The following CYTH1 variants were observed in gnomAD, a reference collection of about 807,000 sequenced individuals.
The protein encoded by CYTH1 is cytohesin-1.
CYTH1 carries 18 observed loss-of-function variants against 61.8 expected under a neutral mutation model. The ratio of observed to expected loss-of-function variants is 0.29; its 90% CI spans 0.20 to 0.43. The LOEUF (loss-of-function observed/expected upper bound fraction) is 0.43, where lower values mean the gene tolerates loss of function less well. CYTH1 is among the 20% of genes least tolerant of loss of function. The pLI, the probability that CYTH1 is intolerant of heterozygous loss-of-function variation, is 1.00. For synonymous variants in CYTH1, 174 were observed against 184.3 expected, an observed-to-expected ratio of 0.94 and a Z score of 0.45; for missense variants, 336 against 510.5, an observed-to-expected ratio of 0.66 and a Z score of 3.29.
At position 78,676,058 on chromosome 17, in the gene CYTH1, G is replaced by C. The variant is rs1190331502; in HGVS notation, c.*33C>G. ...TGCGGGAGAAGAGCAGGAGCTCCAA[G>C]GCCCCCGCAGACCAACGCCCTTGGC... On this transcript the variant is annotated 3_prime_UTR_variant, in exon 14 of 14. Coordinates refer to ENST00000446868, the MANE Select transcript of CYTH1 (RefSeq NM_004762.6). 6.3e-7 allele frequency: 1 copy of C among 1,585,338 alleles called. No individual in the cohort carries two copies.
At chr17:78,764,198 CTTTTT>C (rs534021959) in intron 1 of CYTH1, among the ~76,000 whole-genome samples, 6 of 140,500 alleles carry the variant, frequency 4.3e-5, no homozygotes, top group African/African-American at 1.6e-4. Flanking sequence ...ATCTAAATGT[CTTTTT>C]TTTTTTTTTT....
chr17:78,721,341 A>T (rs978199247), intron 1 of CYTH1, among the ~76,000 whole-genome samples: 1 of 152,264 alleles, frequency 6.6e-6, no homozygotes, highest in African/African-American at 2.4e-5. Context: ...AAAAATAAAA[A>T]TAAAAAAATT....
intron 7 of CYTH1, among the ~76,000 whole-genome samples, chr17:78,699,882 T>C (rs1479612178): frequency 6.6e-6 from 1 of 152,170 alleles, no homozygotes; most frequent in South Asian, 2.1e-4. Flanking sequence ...CGTAAACTCT[T>C]GGGCTCAAGA....
Position 78,701,695 on chromosome 17 carries a change from T to C in CYTH1, c.413A>G (p.Asp138Gly), listed in dbSNP as rs2093010984. ...HAFVELHEFT[D>G]LNLVQALRQF... ...CCGTAGTGCCTGGACGAGATTAAGA[T>C]CAGTGAACTCATGCAGCTCCACAAA... is the stretch of plus-strand genomic sequence containing the variant. Residue 138 changes from aspartate (D) to glycine (G), a missense_variant, in exon 6 of 14, where the codon GAT (aspartate) becomes GGT (glycine). Physicochemically the swap from Asp to Gly is moderately conservative, Grantham distance 94. Around this residue, in one of 4 missense-constraint regions of CYTH1, gnomAD observed 125 missense variants for 209.9 expected, o/e 0.60. Transcript: ENST00000446868. 13 of 1,614,152 alleles carry C rather than the reference T, an allele frequency of 8.1e-6. No individual in the cohort carries two copies. Among genetic ancestry groups the C allele is most frequent in the Non-Finnish European group, 1.1e-5 (13 of 1,180,030 alleles).
intron 3 of CYTH1, among the ~76,000 whole-genome samples, chr17:78,705,940 G>A (rs1025213206): frequency 1.3e-5 from 2 of 152,126 alleles, no homozygotes; most frequent in African/African-American, 2.4e-5. Context: ...AGGGCACACT[G>A]AATTCTGAAT....
At chr17:78,686,659 C>A (rs2092819833) in intron 11 of CYTH1, among the ~76,000 whole-genome samples, 1 of 152,136 alleles carries the variant, frequency 6.6e-6, no homozygotes. Context: ...GGCAGCAGTC[C>A]CCAGCCTTTT....
At chr17:78,749,465 C>T (rs1031617721) in intron 1 of CYTH1, among the ~76,000 whole-genome samples, 6 of 150,812 alleles carry the variant, frequency 4.0e-5, no homozygotes, top group Non-Finnish European at 8.9e-5. Context: ...ATCCCCCCTA[C>T]AAAAAAAAAT....
intron 1 of CYTH1, chr17:78,727,611 C>T: frequency 2.2e-6 from 1 of 460,762 alleles, no homozygotes; most frequent in South Asian, 1.6e-5. Context: ...CACCAGCCTT[C>T]CAAGTCGCGG....
intron 1 of CYTH1, among the ~76,000 whole-genome samples, chr17:78,781,180 A>G (rs2093515961): frequency 6.6e-6 from 1 of 150,382 alleles, no homozygotes; most frequent in Non-Finnish European, 1.5e-5. Context: ...TAAAAAAAAA[A>G]AAAAAAGAAA....
At chr17:78,772,351 A>G (rs1032626326) in intron 1 of CYTH1, among the ~76,000 whole-genome samples, 1 of 152,134 alleles carries the variant, frequency 6.6e-6, no homozygotes, top group Admixed American at 6.6e-5. Context: ...TGCCCCCCAT[A>G]CTTGAAATAA....
At chr17:78,741,518 GT>G (rs1373273782) in intron 1 of CYTH1, among the ~76,000 whole-genome samples, 1 of 152,162 alleles carries the variant, frequency 6.6e-6, no homozygotes, top group African/African-American at 2.4e-5. Flanking sequence ...GTGCAGAAAG[GT>G]AAGATAGGCA....
At chr17:78,741,632 G>A (rs548084776) in intron 1 of CYTH1, among the ~76,000 whole-genome samples, 1 of 152,168 alleles carries the variant, frequency 6.6e-6, no homozygotes, top group Admixed American at 6.5e-5. Flanking sequence ...AAGTCAAGAC[G>A]GGGTGCGAGG....
At chr17:78,767,052 T>C (rs1328057475) in intron 1 of CYTH1, among the ~76,000 whole-genome samples, 1 of 152,220 alleles carries the variant, frequency 6.6e-6, no homozygotes, top group Non-Finnish European at 1.5e-5. Context: ...TGTTCAGCAA[T>C]GAACTTCATG....
At chr17:78,726,388 T>A (rs1161991327) in intron 1 of CYTH1, among the ~76,000 whole-genome samples, 1 of 149,394 alleles carries the variant, frequency 6.7e-6, no homozygotes, top group African/African-American at 2.6e-5. Flanking sequence ...AGGCCCCCTG[T>A]CAGTTACTGT....
intron 1 of CYTH1, among the ~76,000 whole-genome samples, chr17:78,726,709 G>T (rs1267393057): frequency 6.6e-6 from 1 of 151,908 alleles, no homozygotes; most frequent in Non-Finnish European, 1.5e-5. Flanking sequence ...CTTTGAATTT[G>T]ACACCGAGAC....
chr17:78,757,612 T>G (rs989043756), intron 1 of CYTH1, among the ~76,000 whole-genome samples: 2 of 152,122 alleles, frequency 1.3e-5, no homozygotes, highest in African/African-American at 4.8e-5. Flanking sequence ...GAAAAAATTT[T>G]AATTATATCA....
At chr17:78,779,499 C>T (rs971666729) in intron 1 of CYTH1, among the ~76,000 whole-genome samples, 4 of 151,902 alleles carry the variant, frequency 2.6e-5, no homozygotes, top group South Asian at 2.1e-4. Context: ...TAAAGAAGTC[C>T]GGGTACTAAT....
Position 78,700,785 on chromosome 17 carries a change from A to G in CYTH1, c.438-342T>C, listed in dbSNP as rs989259932. Reference sequence around the variant, plus strand: ...AGTGATCCACCCGCCTCAGCCTCCCAAAGTGCTGGGAGTACAGGTGTGAGC... The same window carrying G: ...AGTGATCCACCCGCCTCAGCCTCCCGAAGTGCTGGGAGTACAGGTGTGAGC... On this transcript the variant is annotated intron_variant, in intron 6 of 13. Coordinates refer to ENST00000446868, the MANE Select transcript of CYTH1 (RefSeq NM_004762.6). The surrounding 1 kb of genome is among the most constrained non-coding windows in gnomAD (Gnocchi z 5.1). 8.5e-5 allele frequency among the ~76,000 whole-genome samples: 13 copies of G among 152,132 alleles called. No individual in the cohort carries two copies. Among genetic ancestry groups the G allele is most frequent in the African/African-American group, 2.7e-4 (11 of 41,416 alleles).
chr17:78,702,481 A>G, intron 4 of CYTH1, 57 bp downstream of exon 4: 1 of 1,569,798 alleles, frequency 6.4e-7, no homozygotes, highest in Non-Finnish European at 8.7e-7. Flanking sequence ...GGTCTATCTG[A>G]GCACTATAAA....
Sources: allele counts gnomAD v4.1 joint callset (sites outside exome capture counted in the v4.1 genomes callset), GRCh38; gene constraint gnomAD v4.1.1; regional missense constraint gnomAD v4.1.1; non-coding constraint Gnocchi (gnomAD v3.1); transcripts MANE v1.5; gene names NCBI Gene and HGNC (gene_info 2026-07-23, HGNC 2026-07-21).